Variants in PI4KB observed in about 807,000 individuals in gnomAD.
The protein encoded by PI4KB is phosphatidylinositol 4-kinase beta, also known as PtdIns 4-kinase beta.
In PI4KB, 23 loss-of-function variants were observed where a neutral mutation model predicts 81.4. The ratio of observed to expected loss-of-function variants is 0.28; its 90% confidence interval spans 0.20 to 0.40. The LOEUF (loss-of-function observed/expected upper bound fraction) is 0.40. Ranked by LOEUF, PI4KB falls within the 10% of genes least tolerant of loss-of-function variation. The probability of loss-of-function intolerance (pLI) is 1.00; values close to 1 mark genes in which losing one functional copy is unlikely to be tolerated. For synonymous variants in PI4KB, 381 were observed against 406.8 expected (o/e 0.94, Z 0.76); for missense variants, 651 against 1,036.6 (o/e 0.63, Z 5.11).
At chr1:151,321,505 C>T (rs981525402) in intron 1 of PI4KB, among the ~76,000 whole-genome samples, 23 of 152,034 alleles carry the variant, frequency 1.5e-4, no homozygotes, top group Admixed American at 3.3e-4. Context: ...CTGCCTCAGC[C>T]TCCCAAGTAG....
At chr1:151,314,339 T>A (rs1234054731) in intron 2 of PI4KB, among the ~76,000 whole-genome samples, 1 of 152,194 alleles carries the variant, frequency 6.6e-6, no homozygotes, top group Non-Finnish European at 1.5e-5. Context: ...TGGCCAATGG[T>A]GAGTCAGAGG....
intron 1 of PI4KB, chr1:151,324,926 A>C (rs1649393669): frequency 5.1e-6 from 5 of 983,660 alleles, no homozygotes; most frequent in Non-Finnish European, 6.0e-6. Flanking sequence ...CTCTAAGAAG[A>C]AAGCAGGGAA....
At chr1:151,306,102 G>A in intron 5 of PI4KB, 34 bp downstream of exon 5, 2 of 1,543,376 alleles carry the variant, frequency 1.3e-6, no homozygotes, top group Non-Finnish European at 1.8e-6. Flanking sequence ...GAAAGCTCCT[G>A]TGACCCAGCA....
chr1:151,307,505 C>T (rs901665152), intron 4 of PI4KB, 69 bp downstream of exon 4: 6 of 1,027,360 alleles, frequency 5.8e-6, no homozygotes, highest in East Asian at 2.5e-5. Flanking sequence ...TGGTCATACA[C>T]GCAAACTCTG....
chr1:151,301,872 A>T lies in PI4KB; in HGVS notation c.1721T>A (p.Leu574Gln). ...CAGTTGCTTCAACACCTGAAAGGCC[A>T]GAAGCTCTTGCCGAAGGTCATCCCC... The part of the protein sequence containing the change: ...KCGDDLRQEL[L>Q]AFQVLKQLQS... The change falls in exon 8 of 12, where the codon CTG (leucine) becomes CAG (glutamine). Residue 574 changes from leucine (L) to glutamine (Q), a missense_variant. Around this residue, in one of 5 missense-constraint regions of PI4KB, gnomAD observed 246 missense variants for 430.1 expected, o/e 0.57. Coordinates refer to ENST00000368873, the MANE Select transcript of PI4KB (RefSeq NM_001369623.2). 4.3e-6 allele frequency: 7 copies of T among 1,614,080 alleles called. No homozygotes were observed. Among genetic ancestry groups the T allele is most frequent in the Non-Finnish European group, 5.9e-6 (7 of 1,180,008 alleles).
At chr1:151,308,433 C>T (rs796502556) in intron 3 of PI4KB, among the ~76,000 whole-genome samples, 8 of 152,334 alleles carry the variant, frequency 5.3e-5, no homozygotes, top group African/African-American at 1.9e-4. Context: ...GATGAGCAGA[C>T]TTTGCATTAA....
In PI4KB at chr1:151,291,819, A is replaced by C. The variant is rs911613664; in HGVS notation, c.*1033T>G. On this transcript the variant is annotated 3_prime_UTR_variant, in exon 12 of 12. Coordinates refer to ENST00000368873, the MANE Select transcript of PI4KB (RefSeq NM_001369623.2). ...GGGGACAGGCTCTCAGGAATCCTTT[A>C]TTCTTGTAGTAATAATAATACTAAC... 1 of 152,476 alleles carries C rather than the reference A, an allele frequency of 6.6e-6. No homozygotes were observed. The highest frequency in any genetic ancestry group is 2.4e-5 in the African/African-American group (1 of 41,384). The allele number at this position is 152,476 out of a possible 1,614,324, so 9.4% of individuals were successfully genotyped here.
At chr1:151,322,270 G>T (rs759756371) in intron 1 of PI4KB, among the ~76,000 whole-genome samples, 41 of 152,192 alleles carry the variant, frequency 2.7e-4, no homozygotes, top group Middle Eastern at 3.2e-3. Flanking sequence ...ATTGTTACAG[G>T]TCACACAGAG....
rs771856901 is a variant in PI4KB at position 151,299,929 on chromosome 1, T to C, written c.1750-856A>G. Among the ~76,000 whole-genome samples the C allele has an allele frequency of 2.2e-4, 33 of 152,144 alleles. 1 individual carries two copies. The highest frequency in any genetic ancestry group is 3.4e-4 in the Non-Finnish European group (23 of 68,022). ...GACCAAATTATTATTATTTAAAAAT[T>C]TGATTACAACCAATTGTGTTGGCAT... On this transcript the variant is annotated intron_variant, in intron 8 of 11. Transcript: ENST00000368873.
intron 9 of PI4KB, 102 bp from the exon 10 acceptor site, chr1:151,294,643 G>C (rs951002388): frequency 3.6e-6 from 4 of 1,101,572 alleles, no homozygotes; most frequent in Non-Finnish European, 4.1e-6. Flanking sequence ...AGGGAGGGGG[G>C]TCCCCTGCCA....
intron 5 of PI4KB, among the ~76,000 whole-genome samples, chr1:151,304,303 C>G (rs1048717923): frequency 2.7e-5 from 4 of 150,340 alleles, no homozygotes; most frequent in Admixed American, 6.6e-5. Context: ...AGCTCAAAGA[C>G]AGAGATTCTG....
At chr1:151,293,264 G>C in intron 11 of PI4KB, 3 of 1,411,576 alleles carry the variant, frequency 2.1e-6, no homozygotes, top group Non-Finnish European at 2.8e-6. Flanking sequence ...AGGAAGGAAG[G>C]GGACCAACAC....
At chr1:151,298,779 T>C (rs771640076) in intron 9 of PI4KB, 29 bp downstream of exon 9, 2 of 1,601,208 alleles carry the variant, frequency 1.2e-6, no homozygotes, top group South Asian at 2.2e-5. Flanking sequence ...CCTGGAGAAA[T>C]GTTAGGATGA....
chr1:151,307,466 G>C, intron 4 of PI4KB, 108 bp downstream of exon 4: 1 of 680,794 alleles, frequency 1.5e-6, no homozygotes, highest in Non-Finnish European at 2.6e-6. Flanking sequence ...AACTATGAAG[G>C]GAGTCTAGGA....
chr1:151,303,131 T>C (rs1423846882), intron 6 of PI4KB, among the ~76,000 whole-genome samples: 1 of 151,476 alleles, frequency 6.6e-6, no homozygotes, highest in Non-Finnish European at 1.5e-5. Context: ...CCCAAGTAGC[T>C]GGGACTACAG....
chr1:151,314,141 C>T (rs587667290), intron 2 of PI4KB, among the ~76,000 whole-genome samples: 5 of 152,380 alleles, frequency 3.3e-5, no homozygotes, highest in African/African-American at 1.2e-4. Flanking sequence ...CCTCCCTCTT[C>T]CTTTTCTCTA....
At chr1:151,299,409 C>T (rs587630633) in intron 8 of PI4KB, among the ~76,000 whole-genome samples, 100 of 152,234 alleles carry the variant, frequency 6.6e-4, no homozygotes, top group Non-Finnish European at 1.2e-3. Context: ...AGGCCAGGTG[C>T]GGTGGCTTAT....
At chr1:151,306,753 G>C (rs587760360) in intron 4 of PI4KB, among the ~76,000 whole-genome samples, 1 of 152,300 alleles carries the variant, frequency 6.6e-6, no homozygotes, top group South Asian at 2.1e-4. Context: ...CTGTCCCAAG[G>C]AGTGTCCCAA....
chr1:151,318,234 T>G lies in PI4KB; in HGVS notation c.-28-1725A>C, dbSNP rs933599935. Among the ~76,000 whole-genome samples the G allele has an allele frequency of 4.0e-5, 6 of 149,880 alleles. 1 individual carries two copies. Among genetic ancestry groups the G allele is most frequent in the African/African-American group, 1.5e-4 (6 of 40,628 alleles). ...GAGATCGAGACCATCCTGGCCAACA[T>G]GGTGAAACCCCGTCTCTACTAAAAA... On this transcript the variant is annotated intron_variant, in intron 1 of 11. Coordinates refer to ENST00000368873, the MANE Select transcript of PI4KB (RefSeq NM_001369623.2).
Sources: allele counts gnomAD v4.1 joint callset (sites outside exome capture counted in the v4.1 genomes callset), GRCh38; gene constraint gnomAD v4.1.1; regional missense constraint gnomAD v4.1.1; transcripts MANE v1.5; gene names NCBI Gene and HGNC (gene_info 2026-07-23, HGNC 2026-07-21).